CCDC149: variants seen among roughly 807,000 people sequenced by gnomAD.
CCDC149 encodes coiled-coil domain-containing protein 149.
In CCDC149, 45 loss-of-function variants were observed where a neutral mutation model predicts 59.9. The ratio of observed to expected loss-of-function variants is 0.75; its 90% CI spans 0.59 to 0.96. The LOEUF (loss-of-function observed/expected upper bound fraction) is 0.96. CCDC149 is among the 40% of genes least tolerant of loss of function. CCDC149 has a pLI of 0.00. For missense variants in CCDC149, 584 were observed against 664.7 expected (o/e 0.88, Z 1.33); for synonymous variants, 245 against 260.6 (o/e 0.94, Z 0.58).
intron 1 of CCDC149, among the ~76,000 whole-genome samples, chr4:24,929,034 T>C (rs982295291): frequency 6.6e-6 from 1 of 152,216 alleles, no homozygotes; most frequent in Admixed American, 6.5e-5. Context: ...GTGCCCTTTT[T>C]GCAGAGAGCT....
At chr4:24,870,533 A>T (rs1320247237) in intron 3 of CCDC149, among the ~76,000 whole-genome samples, 1 of 152,228 alleles carries the variant, frequency 6.6e-6, no homozygotes, top group Non-Finnish European at 1.5e-5. Flanking sequence ...TCCTAAAGGG[A>T]CAGAAACTTA....
rs2109260999 is a variant in CCDC149 at position 24,881,543 on chromosome 4, C to G, written c.64-4846G>C. Among the ~76,000 whole-genome samples the G allele has an allele frequency of 2.0e-5, 3 of 152,198 alleles. No homozygotes were observed. In the South Asian group the frequency reaches 6.2e-4, roughly 32 times the overall value. On this transcript the variant is annotated intron_variant, in intron 1 of 12. Coordinates refer to ENST00000635206, the MANE Select transcript of CCDC149 (RefSeq NM_001330643.2). ...GGGTCCACAGAGAACTTTGTGTGAT[C>G]CAGAAAAAAATTATTGGTGTGTCAA...
At position 24,868,777 on chromosome 4, in the gene CCDC149, G is replaced by A. The variant is rs138280609; in HGVS notation, c.264+4904C>T. 2.0e-3 allele frequency among the ~76,000 whole-genome samples: 300 copies of A among 152,208 alleles called. 1 individual carries two copies. In the Middle Eastern group the frequency reaches 0.02, roughly 10 times the overall value. On this transcript the variant is annotated intron_variant, in intron 3 of 12. Transcript: ENST00000635206. ...GTGCCCCTCCTGTCCAGATACTTAC[G>A]GACACACCCATGGGTGCTCCCTGAG...
intron 12 of CCDC149, among the ~76,000 whole-genome samples, chr4:24,815,153 T>C (rs1714932835): frequency 1.3e-5 from 2 of 152,246 alleles, no homozygotes; most frequent in African/African-American, 4.8e-5. Context: ...AATATATTAG[T>C]ACATCTCTTT....
chr4:24,916,127 G>T (rs187542175), upstream of CCDC149, among the ~76,000 whole-genome samples: 425 of 152,278 alleles, frequency 2.8e-3, 1 homozygote, highest in Non-Finnish European at 4.7e-3. Flanking sequence ...GTATTGAGAC[G>T]TTTGCTTTAG....
chr4:24,959,140 A>T (rs925608766), intron 1 of CCDC149, among the ~76,000 whole-genome samples: 2 of 151,972 alleles, frequency 1.3e-5, no homozygotes, highest in African/African-American at 4.8e-5. Flanking sequence ...CGGCCAGCTA[A>T]TTTTTTTGTA....
intron 1 of CCDC149, among the ~76,000 whole-genome samples, chr4:24,902,992 T>C (rs1053654222): frequency 4.4e-5 from 5 of 112,760 alleles, no homozygotes; most frequent in African/African-American, 1.7e-4. Context: ...GCCATTACAC[T>C]CCAGCCTGGG....
chr4:24,936,755 C>A (rs1722793485), intron 1 of CCDC149, among the ~76,000 whole-genome samples: 1 of 152,152 alleles, frequency 6.6e-6, no homozygotes, highest in Non-Finnish European at 1.5e-5. Context: ...GTTTTAGAGG[C>A]TCACTGGAAG....
intron 1 of CCDC149, among the ~76,000 whole-genome samples, chr4:24,931,829 G>GTATATATATATATATATATATCTATA (rs1722598411): frequency 1.3e-5 from 1 of 76,908 alleles, no homozygotes; most frequent in African/African-American, 6.1e-5. Flanking sequence ...TGGAGAGTAT[G>GTATATATATATATATATATATCTATA]TATATATATA....
chr4:24,957,935 A>G (rs1022634099), intron 1 of CCDC149, among the ~76,000 whole-genome samples: 1 of 152,226 alleles, frequency 6.6e-6, no homozygotes, highest in Non-Finnish European at 1.5e-5. Flanking sequence ...CAAGTATAGT[A>G]TCTTCATATA....
chr4:24,821,122 G>T (rs1286341704), intron 10 of CCDC149, 35 bp from the exon 11 acceptor site: 5 of 1,206,370 alleles, frequency 4.1e-6, no homozygotes, highest in Non-Finnish European at 3.1e-6. Flanking sequence ...GGAAATAATT[G>T]TTATTGCATA....
chr4:24,861,951 C>A (rs1718415034), intron 3 of CCDC149, among the ~76,000 whole-genome samples: 1 of 152,116 alleles, frequency 6.6e-6, no homozygotes, highest in Non-Finnish European at 1.5e-5. Flanking sequence ...AAGAAGAGTT[C>A]TCTACACTCC....
chr4:24,820,082 C>T (rs1715289544), intron 11 of CCDC149, 107 bp from the exon 12 acceptor site: 2 of 732,652 alleles, frequency 2.7e-6, no homozygotes, highest in South Asian at 1.8e-5. Context: ...ACAGACACTA[C>T]CATTGAAGGG....
At chr4:24,904,582 G>A (rs1721363958) in intron 1 of CCDC149, among the ~76,000 whole-genome samples, 1 of 152,204 alleles carries the variant, frequency 6.6e-6, no homozygotes, top group African/African-American at 2.4e-5. Flanking sequence ...TTAGTTAAGT[G>A]TGTGTTTGAC....
chr4:24,848,651 C>T (rs560088640), intron 4 of CCDC149, among the ~76,000 whole-genome samples: 1 of 152,004 alleles, frequency 6.6e-6, no homozygotes, highest in Admixed American at 6.6e-5. Flanking sequence ...TTGGACATGC[C>T]AAAGAGAAGC....
At chr4:24,975,471 G>A (rs1482272687) in intron 1 of CCDC149, among the ~76,000 whole-genome samples, 1 of 132,614 alleles carries the variant, frequency 7.5e-6, no homozygotes, top group African/African-American at 2.9e-5. Context: ...GGGAGGGGAA[G>A]AGAAGAAAGC....
At chr4:24,940,851 C>A (rs1290685666) in intron 1 of CCDC149, among the ~76,000 whole-genome samples, 6 of 152,106 alleles carry the variant, frequency 3.9e-5, no homozygotes, top group Non-Finnish European at 7.4e-5. Context: ...ACTAACTATC[C>A]TAAATATATA....
At chr4:24,860,828 C>T (rs1050395445) in intron 3 of CCDC149, among the ~76,000 whole-genome samples, 10 of 151,798 alleles carry the variant, frequency 6.6e-5, no homozygotes, top group Admixed American at 2.0e-4. Flanking sequence ...TATAAATGGC[C>T]GACAAACATA....
intron 1 of CCDC149, among the ~76,000 whole-genome samples, chr4:24,894,580 G>T (rs1044778352): frequency 6.6e-6 from 1 of 151,918 alleles, no homozygotes; most frequent in Non-Finnish European, 1.5e-5. Flanking sequence ...CTAAACCCAG[G>T]TGCTTAAATT....
Sources: gnomAD v4.1 joint callset for allele counts (sites outside exome capture counted in the v4.1 genomes callset) on GRCh38, gnomAD v4.1.1 for gene constraint, MANE v1.5 for transcripts, NCBI Gene and HGNC (gene_info 2026-07-23, HGNC 2026-07-21) for gene names.